ERBB4: variants seen among roughly 807,000 people sequenced by gnomAD.
ERBB4 encodes the protein erb-b2 receptor tyrosine kinase 4, also known as receptor tyrosine-protein kinase erbB-4.
A neutral mutation model predicts 158.0 loss-of-function variants in ERBB4; 42 were observed. That is an observed-to-expected ratio of 0.27 (90% CI 0.21 to 0.34). The LOEUF (loss-of-function observed/expected upper bound fraction) is 0.34. Ranked by LOEUF, ERBB4 falls within the 10% of genes least tolerant of loss-of-function variation. The pLI is 1.00. For missense variants in ERBB4, 1,333 were observed against 1,624.1 expected (o/e 0.82, Z 3.08); for synonymous variants, 583 against 558.7 (o/e 1.04, Z -0.61).
intron 5 of ERBB4, among the ~76,000 whole-genome samples, chr2:211,740,338 T>G (rs578128722): frequency 1.8e-4 from 27 of 152,268 alleles, no homozygotes; most frequent in African/African-American, 6.5e-4. Context: ...AGTGACTATT[T>G]CTTTGGAAAG....
intron 1 of ERBB4, among the ~76,000 whole-genome samples, chr2:212,511,860 C>A (rs1371327860): frequency 6.6e-6 from 1 of 152,110 alleles, no homozygotes. Flanking sequence ...TCCATTTTGC[C>A]TTTTTGGGGA....
chr2:212,176,611 T>A (rs2081671023), intron 1 of ERBB4, among the ~76,000 whole-genome samples: 1 of 151,994 alleles, frequency 6.6e-6, no homozygotes, highest in South Asian at 2.1e-4. Flanking sequence ...AAGCAAAATA[T>A]TATGTCTCCC....
At chr2:211,941,915 A>G (rs2080510769) in intron 3 of ERBB4, among the ~76,000 whole-genome samples, 1 of 152,064 alleles carries the variant, frequency 6.6e-6, no homozygotes, top group African/African-American at 2.4e-5. Context: ...TTTAATTGAC[A>G]AGTTCCCTGC....
intron 2 of ERBB4, among the ~76,000 whole-genome samples, chr2:212,047,263 C>A (rs2077282242): frequency 6.6e-6 from 1 of 152,122 alleles, no homozygotes; most frequent in South Asian, 2.1e-4. Context: ...TTTGAATAAT[C>A]TATGAGTATC....
chr2:212,017,943 G>T (rs1313266869), intron 2 of ERBB4, among the ~76,000 whole-genome samples: 1 of 152,212 alleles, frequency 6.6e-6, no homozygotes, highest in East Asian at 1.9e-4. Context: ...TGTAGAAAAA[G>T]AAGCTATTGG....
chr2:212,470,888 T>G lies in ERBB4; in HGVS notation c.82+67561A>C, dbSNP rs1689084581. ...AAGAAGCAGATACCAATAAAAGCTATCAATTAACATGTAAATTACATTACT... is the reference window on the plus strand; with the variant it reads ...AAGAAGCAGATACCAATAAAAGCTAGCAATTAACATGTAAATTACATTACT... On this transcript the variant is annotated intron_variant, in intron 1 of 27. Coordinates refer to ENST00000342788, the MANE Select transcript of ERBB4 (RefSeq NM_005235.3). Among the ~76,000 whole-genome samples, 3 of 152,184 alleles carry G rather than the reference T, an allele frequency of 2.0e-5. No individual in the cohort carries two copies. The South Asian group carries it at 6.2e-4, about 32-fold the overall frequency.
chr2:211,703,551 A>G (rs1369764671), intron 11 of ERBB4, among the ~76,000 whole-genome samples: 1 of 152,228 alleles, frequency 6.6e-6, no homozygotes, highest in Non-Finnish European at 1.5e-5. Context: ...CATCAGAGAA[A>G]TCTTTTACTC....
chr2:211,784,191 G>T (rs2076103196), intron 4 of ERBB4, among the ~76,000 whole-genome samples: 1 of 152,160 alleles, frequency 6.6e-6, no homozygotes, highest in African/African-American at 2.4e-5. Flanking sequence ...TTTTCCAACA[G>T]ATCTCCAGAA....
At chr2:212,339,901 A>T (rs1255458123) in intron 1 of ERBB4, among the ~76,000 whole-genome samples, 1 of 152,142 alleles carries the variant, frequency 6.6e-6, no homozygotes, top group African/African-American at 2.4e-5. Flanking sequence ...AAATACCTAT[A>T]ATTCCCACAG....
At chr2:212,075,488 G>T (rs996249815) in intron 2 of ERBB4, among the ~76,000 whole-genome samples, 2 of 151,854 alleles carry the variant, frequency 1.3e-5, no homozygotes, top group African/African-American at 2.4e-5. Context: ...GAAGTAAACT[G>T]CATATTAGCC....
chr2:211,499,938 A>G (rs369469285), intron 20 of ERBB4, among the ~76,000 whole-genome samples: 1 of 148,488 alleles, frequency 6.7e-6, no homozygotes, highest in East Asian at 2.2e-4. Context: ...ACTATCCTGC[A>G]TGTAGATGAC....
chr2:211,529,149 A>AG (rs1306061649), intron 20 of ERBB4, among the ~76,000 whole-genome samples: 1 of 151,852 alleles, frequency 6.6e-6, no homozygotes, highest in African/African-American at 2.4e-5. Context: ...TTAAAAAAAA[A>AG]AAATTAGAGA....
intron 17 of ERBB4, among the ~76,000 whole-genome samples, chr2:211,625,389 G>A (rs748085054): frequency 1.2e-4 from 18 of 152,086 alleles, no homozygotes; most frequent in Non-Finnish European, 1.5e-4. Flanking sequence ...TGAAAATAAC[G>A]GCCTACTTAA....
chr2:212,409,457 T>A (rs2091438351), intron 1 of ERBB4, among the ~76,000 whole-genome samples: 1 of 152,282 alleles, frequency 6.6e-6, no homozygotes, highest in Admixed American at 6.5e-5. Context: ...ATTCTATATG[T>A]AAGTATGATT....
intron 14 of ERBB4, among the ~76,000 whole-genome samples, chr2:211,667,086 C>G (rs2071659843): frequency 6.9e-6 from 1 of 145,624 alleles, no homozygotes; most frequent in African/African-American, 2.7e-5. Flanking sequence ...CTAATGACAC[C>G]TGATGAGCCA....
chr2:212,018,152 C>T (rs1227804619), intron 2 of ERBB4, among the ~76,000 whole-genome samples: 1 of 152,036 alleles, frequency 6.6e-6, no homozygotes, highest in African/African-American at 2.4e-5. Context: ...ACAAATCCTA[C>T]CAGATGTTTC....
intron 1 of ERBB4, among the ~76,000 whole-genome samples, chr2:212,185,617 G>A (rs2081994259): frequency 1.3e-5 from 2 of 151,974 alleles, no homozygotes; most frequent in Non-Finnish European, 2.9e-5. Flanking sequence ...ATCTTAAGTA[G>A]GGTCCACATT....
At position 211,972,768 on chromosome 2, in the gene ERBB4, A is replaced by G. The variant is rs945764497; in HGVS notation, c.235-25152T>C. Among the ~76,000 whole-genome samples, 3 of 152,194 alleles carry G rather than the reference A, an allele frequency of 2.0e-5. No homozygotes were observed. In the East Asian group the frequency reaches 5.8e-4, roughly 29 times the overall value. On this transcript the variant is annotated intron_variant, in intron 2 of 27. Transcript: ENST00000342788. ...CACAAATTTATTCAAGATGGACTAAAGATTTAAATGTAAAACTTGAAACTA... is the reference window on the plus strand; with the variant it reads ...CACAAATTTATTCAAGATGGACTAAGGATTTAAATGTAAAACTTGAAACTA...
chr2:211,545,385 T>A (rs935570037), intron 20 of ERBB4, among the ~76,000 whole-genome samples: 2 of 151,980 alleles, frequency 1.3e-5, no homozygotes, highest in African/African-American at 4.8e-5. Flanking sequence ...ATCTTAAACT[T>A]ACATAGAAAT....
Sources: allele counts gnomAD v4.1 joint callset (sites outside exome capture counted in the v4.1 genomes callset), GRCh38; gene constraint gnomAD v4.1.1; transcripts MANE v1.5; gene names NCBI Gene and HGNC (gene_info 2026-07-23, HGNC 2026-07-21).